The following CSMD1 variants were observed in gnomAD, a reference collection of about 807,000 sequenced individuals.
The protein encoded by CSMD1 is CUB and sushi domain-containing protein 1.
CSMD1 carries 213 observed loss-of-function variants against 417.5 expected under a neutral mutation model. The ratio of observed to expected loss-of-function variants is 0.51; its 90% CI spans 0.46 to 0.57. CSMD1 has a LOEUF of 0.57. CSMD1 is among the 20% of genes least tolerant of loss of function. The probability of loss-of-function intolerance (pLI) is 0.00; values close to 1 mark genes in which losing one functional copy is unlikely to be tolerated. For synonymous variants in CSMD1, 2,862 were observed against 1,736.8 expected, an observed-to-expected ratio of 1.65 and a Z score of -16.11; for missense variants, 6,923 against 4,529.7, an observed-to-expected ratio of 1.53 and a Z score of -15.17.
chr8:4,277,637 T>G (rs1356726773), intron 3 of CSMD1, among the ~76,000 whole-genome samples: 1 of 152,206 alleles, frequency 6.6e-6, no homozygotes, highest in Non-Finnish European at 1.5e-5. Flanking sequence ...CACAAGGATA[T>G]GCAGAAACAA....
chr8:4,368,538 G>T (rs369172967), intron 3 of CSMD1, among the ~76,000 whole-genome samples: 1 of 152,112 alleles, frequency 6.6e-6, no homozygotes, highest in Non-Finnish European at 1.5e-5. Flanking sequence ...AATCATTTTA[G>T]TAAGATAGGT....
At chr8:3,154,672 A>C (rs1157678821) in intron 39 of CSMD1, among the ~76,000 whole-genome samples, 1 of 152,162 alleles carries the variant, frequency 6.6e-6, no homozygotes, top group Non-Finnish European at 1.5e-5. Flanking sequence ...CCAGCTGTAG[A>C]GCCCTAGAAA....
At chr8:4,083,180 G>A (rs1047764278) in intron 3 of CSMD1, among the ~76,000 whole-genome samples, 3 of 152,076 alleles carry the variant, frequency 2.0e-5, no homozygotes, top group Non-Finnish European at 4.4e-5. Context: ...GATCCCTGAG[G>A]AATTGCCACA....
chr8:4,006,134 A>C (rs1260471504), intron 4 of CSMD1, among the ~76,000 whole-genome samples: 1 of 152,212 alleles, frequency 6.6e-6, no homozygotes, highest in Non-Finnish European at 1.5e-5. Flanking sequence ...TTCACATATC[A>C]ACCACAGATG....
intron 4 of CSMD1, among the ~76,000 whole-genome samples, chr8:4,017,478 G>GT (rs1296987814): frequency 2.6e-5 from 4 of 151,898 alleles, no homozygotes; most frequent in East Asian, 1.9e-4. Context: ...AGCTAATTTT[G>GT]TTTTTTTAGT....
At chr8:3,536,121 C>G (rs7814836) in intron 10 of CSMD1, among the ~76,000 whole-genome samples, 1,756 of 152,286 alleles carry the variant, frequency 0.012, 35 homozygotes, top group African/African-American at 0.04. Context: ...TTTTATGATA[C>G]CAAGCTGTGA....
intron 5 of CSMD1, among the ~76,000 whole-genome samples, chr8:3,793,170 A>C (rs974856844): frequency 5.9e-5 from 9 of 152,014 alleles, no homozygotes; most frequent in African/African-American, 1.9e-4. Flanking sequence ...AGAGGGGCTG[A>C]TGGATTTTGG....
At chr8:3,985,574 G>T (rs1015338334) in intron 5 of CSMD1, among the ~76,000 whole-genome samples, 1 of 152,076 alleles carries the variant, frequency 6.6e-6, no homozygotes. Flanking sequence ...AATAATAACA[G>T]TTTCACTTTA....
At chr8:4,440,126 G>T (rs1302823437) in intron 2 of CSMD1, among the ~76,000 whole-genome samples, 1 of 152,144 alleles carries the variant, frequency 6.6e-6, no homozygotes, top group Non-Finnish European at 1.5e-5. Flanking sequence ...TCTTTAAAGT[G>T]CAGCTTTGGT....
intron 7 of CSMD1, among the ~76,000 whole-genome samples, chr8:3,676,190 G>C (rs755600405): frequency 1.3e-5 from 2 of 152,052 alleles, no homozygotes; most frequent in Non-Finnish European, 2.9e-5. Flanking sequence ...TCTTCTCCTC[G>C]TTTGTCCATA....
Position 3,997,921 on chromosome 8 carries a change from G to T in CSMD1, c.800C>A (p.Thr267Lys), listed in dbSNP as rs367545152. The T allele has an allele frequency of 1.9e-6, 3 of 1,612,208 alleles. No homozygotes were observed. Among genetic ancestry groups the T allele is most frequent in the Non-Finnish European group, 2.5e-6 (3 of 1,179,120 alleles). Residue 267 changes from threonine (T) to lysine (K), a missense_variant, in exon 5 of 70, where the codon ACG becomes AAG. Physicochemically the swap from Thr to Lys is moderately conservative, Grantham distance 78. Coordinates refer to ENST00000635120, the MANE Select transcript of CSMD1 (RefSeq NM_033225.6). ...EGYDFLEISG[T>K]EAPSIWLTGM... ...GACTTACCATATGGATGGAGCTTCC[G>T]TGCCACTGATCTCTAAGAAATCATA...
intron 1 of CSMD1, among the ~76,000 whole-genome samples, chr8:4,677,803 A>G (rs574926714): frequency 3.9e-5 from 6 of 152,312 alleles, no homozygotes; most frequent in African/African-American, 1.2e-4. Flanking sequence ...TAAAAATGAC[A>G]AAAGAAGAAC....
chr8:3,023,644 C>A (rs775845666), intron 51 of CSMD1, among the ~76,000 whole-genome samples: 34 of 151,960 alleles, frequency 2.2e-4, no homozygotes, highest in Middle Eastern at 3.4e-3. Context: ...CAGCACAAAC[C>A]CTTCAAAAAG....
intron 5 of CSMD1, among the ~76,000 whole-genome samples, chr8:3,874,003 C>G (rs982088958): frequency 6.6e-6 from 1 of 152,162 alleles, no homozygotes; most frequent in Non-Finnish European, 1.5e-5. Context: ...ACACACTGTG[C>G]GGCTGTAGAA....
At chr8:3,738,604 G>A (rs927344859) in intron 6 of CSMD1, among the ~76,000 whole-genome samples, 3 of 152,128 alleles carry the variant, frequency 2.0e-5, no homozygotes, top group South Asian at 2.1e-4. Context: ...ACATCCTCAG[G>A]TGGCAGCAGT....
chr8:3,348,043 G>T lies in CSMD1; in HGVS notation c.3423C>A (p.Gly1141=), dbSNP rs368141855. 1 of 1,610,124 alleles carries T rather than the reference G, an allele frequency of 6.2e-7. No individual in the cohort carries two copies. Among genetic ancestry groups the T allele is most frequent in the Non-Finnish European group, 8.5e-7 (1 of 1,178,078 alleles). Reference sequence around the variant, plus strand: ...GGAAGCTTCGTGTTCTAAGGTGGATGCCCTTGCCGGCTTCTGTTTCTATTT... The same window carrying T: ...GGAAGCTTCGTGTTCTAAGGTGGATTCCCTTGCCGGCTTCTGTTTCTATTT... ...IYKIETEAGK[G]IHLRTRSFQL... Residue 1141 remains glycine, a synonymous_variant, in exon 22 of 70, where the codon GGC becomes GGA. Transcript: ENST00000635120.
chr8:3,280,250 C>T (rs2117211434), intron 26 of CSMD1, among the ~76,000 whole-genome samples: 1 of 152,330 alleles, frequency 6.6e-6, no homozygotes, highest in Non-Finnish European at 1.5e-5. Context: ...AAATAAATGA[C>T]ATCCAGCGTG....
intron 5 of CSMD1, among the ~76,000 whole-genome samples, chr8:3,948,856 A>G (rs544689198): frequency 2.6e-5 from 4 of 152,274 alleles, no homozygotes; most frequent in East Asian, 3.9e-4. Context: ...CCAATTTTCA[A>G]TGTTCTCATT....
intron 2 of CSMD1, among the ~76,000 whole-genome samples, chr8:4,529,975 C>A (rs1189776003): frequency 1.3e-5 from 2 of 151,670 alleles, no homozygotes; most frequent in Non-Finnish European, 2.9e-5. Context: ...AGTGCAGTGG[C>A]GAGATCCCGG....
Sources: allele counts gnomAD v4.1 joint callset (sites outside exome capture counted in the v4.1 genomes callset), GRCh38; gene constraint gnomAD v4.1.1; transcripts MANE v1.5; gene names NCBI Gene and HGNC (gene_info 2026-07-23, HGNC 2026-07-21).